The following DPP10 variants were observed in gnomAD, a reference collection of about 807,000 sequenced individuals.
DPP10 encodes the protein dipeptidyl peptidase like 10, also known as inactive dipeptidyl peptidase 10.
A neutral mutation model predicts 120.9 loss-of-function variants in DPP10; 33 were observed. The observed-to-expected ratio is 0.27, with a 90% CI of 0.21 to 0.37. The LOEUF is 0.37. Among genes scored for constraint, DPP10 ranks in the 10% least tolerant of loss-of-function variants. The pLI is 1.00. For missense variants in DPP10, 816 were observed against 942.8 expected, an observed-to-expected ratio of 0.87 and a Z score of 1.76; for synonymous variants, 337 against 326.1, an observed-to-expected ratio of 1.03 and a Z score of -0.36.
intron 1 of DPP10, among the ~76,000 whole-genome samples, chr2:114,517,128 T>G (rs1292827120): frequency 6.6e-6 from 1 of 152,198 alleles, no homozygotes; most frequent in Admixed American, 6.5e-5. Flanking sequence ...CAGATTGATA[T>G]CACAGGTAAT....
chr2:115,671,836 T>C (rs1239130375), intron 5 of DPP10, among the ~76,000 whole-genome samples: 1 of 152,178 alleles, frequency 6.6e-6, no homozygotes, highest in Non-Finnish European at 1.5e-5. Flanking sequence ...CCAGCAGCTT[T>C]GTGAGAATTT....
intron 1 of DPP10, among the ~76,000 whole-genome samples, chr2:114,839,921 A>T (rs1312878281): frequency 6.6e-6 from 1 of 152,202 alleles, no homozygotes; most frequent in East Asian, 1.9e-4. Context: ...AGGGCTTACA[A>T]CTGAAAAAAG....
chr2:115,190,476 G>A (rs2054797907), intron 1 of DPP10, among the ~76,000 whole-genome samples: 1 of 152,184 alleles, frequency 6.6e-6, no homozygotes, highest in South Asian at 2.1e-4. Context: ...ACATCTGCTA[G>A]GGGATGAACA....
chr2:115,533,075 G>A (rs2078571002), intron 5 of DPP10, among the ~76,000 whole-genome samples: 1 of 151,596 alleles, frequency 6.6e-6, no homozygotes, highest in African/African-American at 2.4e-5. Context: ...TTTCTTGTTT[G>A]GATTTAAAAT....
At chr2:115,053,817 G>A (rs1705692580) in intron 1 of DPP10, among the ~76,000 whole-genome samples, 1 of 152,158 alleles carries the variant, frequency 6.6e-6, no homozygotes, top group Non-Finnish European at 1.5e-5. Flanking sequence ...ATATCCATTT[G>A]TAGAGTCTAG....
chr2:115,033,887 CT>C lies in DPP10; in HGVS notation c.61-275347del, dbSNP rs1306442604. ...GTCCAATATCTTTCTTTTTCTTTTT[CT>C]TTTTCTTTTTTTTTTTTTTTTTTTT... On this transcript the variant is annotated intron_variant, in intron 1 of 25. Coordinates refer to ENST00000410059, the MANE Select transcript of DPP10 (RefSeq NM_020868.6). 2.4e-5 allele frequency among the ~76,000 whole-genome samples: 3 copies of C among 122,644 alleles called. No individual in the cohort carries two copies. In the Admixed American group the frequency reaches 2.5e-4, roughly 10 times the overall value. 80.5% of individuals were successfully genotyped at this position (122,644 alleles called of 152,430 possible). A position where few individuals can be genotyped will look rare whatever the true frequency, so the allele number is the denominator to read the frequency against.
intron 1 of DPP10, among the ~76,000 whole-genome samples, chr2:114,502,292 G>A (rs548283292): frequency 7.4e-4 from 112 of 151,188 alleles, no homozygotes; most frequent in Admixed American, 3.0e-3. Flanking sequence ...GTAAATCCAC[G>A]TGAGAGAGAA....
At chr2:114,545,069 C>G (rs1687276479) in intron 1 of DPP10, among the ~76,000 whole-genome samples, 5 of 152,204 alleles carry the variant, frequency 3.3e-5, no homozygotes, top group Admixed American at 2.6e-4. Flanking sequence ...CCAGGATGGT[C>G]TGGATCTCTT....
At chr2:114,461,554 C>T (rs968376246) in intron 1 of DPP10, 89 of 983,056 alleles carry the variant, frequency 9.1e-5, no homozygotes, top group Middle Eastern at 5.2e-4. Context: ...ACCTCCTTTT[C>T]TAAGACCAGC....
chr2:115,470,886 A>G (rs1237159700), intron 3 of DPP10, among the ~76,000 whole-genome samples: 2 of 152,086 alleles, frequency 1.3e-5, no homozygotes, highest in African/African-American at 4.8e-5. Context: ...CTTTCTTATT[A>G]TTTTACTGCC....
chr2:115,311,753 G>A (rs2061588012), intron 2 of DPP10, among the ~76,000 whole-genome samples: 1 of 151,988 alleles, frequency 6.6e-6, no homozygotes, highest in Non-Finnish European at 1.5e-5. Context: ...AAATAGAAGT[G>A]GCATTTATTT....
chr2:115,656,049 G>C (rs2088292382), intron 5 of DPP10, among the ~76,000 whole-genome samples: 1 of 151,236 alleles, frequency 6.6e-6, no homozygotes, highest in Non-Finnish European at 1.5e-5. Context: ...TATCTGATGT[G>C]TAACATAGTA....
At chr2:115,597,384 T>G (rs1251595403) in intron 5 of DPP10, among the ~76,000 whole-genome samples, 1 of 151,760 alleles carries the variant, frequency 6.6e-6, no homozygotes, top group Non-Finnish European at 1.5e-5. Context: ...AAGAATAAGG[T>G]GGATTAAAAA....
intron 5 of DPP10, among the ~76,000 whole-genome samples, chr2:115,589,932 A>G (rs758582283): frequency 6.6e-6 from 1 of 152,130 alleles, no homozygotes; most frequent in Non-Finnish European, 1.5e-5. Context: ...TCAGCAAACC[A>G]GGTACTGTAA....
intron 5 of DPP10, among the ~76,000 whole-genome samples, chr2:115,606,453 G>A (rs1219350926): frequency 1.3e-5 from 2 of 152,142 alleles, no homozygotes; most frequent in African/African-American, 4.8e-5. Flanking sequence ...TTCATCCTGT[G>A]TAACTTGTCA....
intron 7 of DPP10, among the ~76,000 whole-genome samples, chr2:115,723,010 G>A (rs777714751): frequency 6.6e-6 from 1 of 152,152 alleles, no homozygotes; most frequent in Non-Finnish European, 1.5e-5. Flanking sequence ...GCTGAGGCTG[G>A]TGTGCCAGAG....
At chr2:115,500,476 T>G (rs2076628882) in intron 4 of DPP10, among the ~76,000 whole-genome samples, 1 of 151,988 alleles carries the variant, frequency 6.6e-6, no homozygotes, top group Non-Finnish European at 1.5e-5. Context: ...AATAAACGTT[T>G]AATCTTCGTA....
intron 1 of DPP10, among the ~76,000 whole-genome samples, chr2:114,600,417 C>T (rs115496810): frequency 0.017 from 2,539 of 151,730 alleles, 32 homozygotes; most frequent in Non-Finnish European, 0.026. Context: ...AATTTCTATT[C>T]GTTCACTCAT....
At chr2:115,801,337 T>C (rs1236374143) in intron 19 of DPP10, among the ~76,000 whole-genome samples, 1 of 152,232 alleles carries the variant, frequency 6.6e-6, no homozygotes, top group African/African-American at 2.4e-5. Flanking sequence ...GATTTTGGCC[T>C]GAGACGATGG....
Sources: gnomAD v4.1 joint callset for allele counts (sites outside exome capture counted in the v4.1 genomes callset) on GRCh38, gnomAD v4.1.1 for gene constraint, MANE v1.5 for transcripts, NCBI Gene and HGNC (gene_info 2026-07-23, HGNC 2026-07-21) for gene names.